The following NPIPA5 variants were observed in gnomAD, a reference collection of about 807,000 sequenced individuals.
NPIPA5 encodes the protein nuclear pore complex-interacting protein family member A5.
A neutral mutation model predicts 21.4 loss-of-function variants in NPIPA5; 6 were observed. That is an observed-to-expected ratio of 0.28 (90% CI 0.15 to 0.55). The LOEUF is 0.55. Ranked by LOEUF, NPIPA5 falls within the 20% of genes least tolerant of loss-of-function variation. NPIPA5 has a pLI of 0.93. For synonymous variants in NPIPA5, 33 were observed against 115.3 expected, an observed-to-expected ratio of 0.29 and a Z score of 4.57; for missense variants, 99 against 318.2, an observed-to-expected ratio of 0.31 and a Z score of 5.24.
At chr16:15,367,152 T>C (rs982523607) in intron 4 of NPIPA5, among the ~76,000 whole-genome samples, 5 of 152,152 alleles carry the variant, frequency 3.3e-5, no homozygotes, top group Non-Finnish European at 7.3e-5. Context: ...CACAACTAAC[T>C]CCATCGGAAG....
intron 4 of NPIPA5, among the ~76,000 whole-genome samples, chr16:15,369,116 C>T (rs1458302992): frequency 6.7e-6 from 1 of 148,230 alleles, no homozygotes; most frequent in Non-Finnish European, 1.5e-5. Flanking sequence ...TGCACCATAG[C>T]ACTCCAGCCT....
chr16:15,372,117 A>G (rs2050171860), intron 2 of NPIPA5, among the ~76,000 whole-genome samples: 2 of 148,894 alleles, frequency 1.3e-5, no homozygotes, highest in Non-Finnish European at 3.0e-5. Context: ...GACAAAGATG[A>G]GAGGTACAAA....
intron 2 of NPIPA5, among the ~76,000 whole-genome samples, chr16:15,370,404 T>C (rs369538001): frequency 4.1e-5 from 5 of 120,554 alleles, no homozygotes; most frequent in Non-Finnish European, 6.9e-5. Context: ...CCAGCCTGAG[T>C]GACAGAATGA....
rs550795475 is a variant in NPIPA5 at position 15,372,556 on chromosome 16, G to A, written c.192+1159C>T. 1.6e-3 allele frequency among the ~76,000 whole-genome samples: 233 copies of A among 145,808 alleles called. 24 individuals are homozygous for A. The Admixed American group carries it at 0.017, about 11-fold the overall frequency. On this transcript the variant is annotated intron_variant, in intron 2 of 7. Coordinates refer to ENST00000360151, the MANE Select transcript of NPIPA5 (RefSeq NM_001277325.2). ...AAAATTCTCTGTTCAGGACTAAGTG[G>A]CATAGAGAATGTTAAATGTGCCTAG...
chr16:15,376,617 C>T (rs1957587008), intron 1 of NPIPA5, among the ~76,000 whole-genome samples: 1 of 151,420 alleles, frequency 6.6e-6, no homozygotes, highest in African/African-American at 2.4e-5. Context: ...AGTAAACTTA[C>T]ACTTAAGGTT....
chr16:15,366,857 C>T (rs1373838149), intron 4 of NPIPA5, 97 bp from the exon 5 acceptor site: 6 of 1,519,770 alleles, frequency 3.9e-6, no homozygotes, highest in Non-Finnish European at 3.5e-6. Flanking sequence ...AAGATCCCCC[C>T]TGCAACCTTC....
intron 4 of NPIPA5, among the ~76,000 whole-genome samples, chr16:15,367,200 A>AC (rs1452390536): frequency 2.6e-5 from 4 of 152,116 alleles, no homozygotes; most frequent in Non-Finnish European, 5.9e-5. Flanking sequence ...CCTGTGTGAG[A>AC]CTGATTCTCA....
chr16:15,377,085 C>G (rs901037940), intron 1 of NPIPA5, among the ~76,000 whole-genome samples: 50 of 151,936 alleles, frequency 3.3e-4, no homozygotes, highest in Admixed American at 6.6e-4. Context: ...GGGGCCATCT[C>G]GGCTCACTGC....
chr16:15,379,603 G>A (rs1375855532), upstream of NPIPA5, among the ~76,000 whole-genome samples: 5 of 151,230 alleles, frequency 3.3e-5, no homozygotes, highest in Non-Finnish European at 5.9e-5. Flanking sequence ...AAAAAACAGG[G>A]TTAACAAAAG....
In NPIPA5 at chr16:15,363,962, T is replaced by C. The variant is rs2150841110; in HGVS notation, c.750A>G (p.Pro250=). 1.3e-6 allele frequency: 2 copies of C among 1,593,054 alleles called. No homozygotes were observed. The highest frequency in any genetic ancestry group is 4.6e-5 in the East Asian group (2 of 43,612). ...KNRMGHQPPP[P]TQQHSIIDNS... is the part of the protein sequence containing the mutation. ...TATCAATTATAGAATGTTGTTGAGT[T>C]GGAGGAGGTGGCTGGTGGCCCATCC... The change falls in exon 8 of 8, where the codon CCA becomes CCG. Residue 250 remains proline (P), a synonymous_variant. Transcript: ENST00000360151.
chr16:15,371,788 C>G (rs1440954341), intron 2 of NPIPA5, among the ~76,000 whole-genome samples: 1 of 142,646 alleles, frequency 7.0e-6, no homozygotes, highest in Non-Finnish European at 1.5e-5. Context: ...CAGGCATGAG[C>G]CACCACACCT....
At chr16:15,379,702 C>G (rs1051200680), upstream of NPIPA5, among the ~76,000 whole-genome samples, 3 of 152,042 alleles carry the variant, frequency 2.0e-5, no homozygotes, top group African/African-American at 7.2e-5. Flanking sequence ...AATCCCAGCA[C>G]TTTGGGAGGC....
rs2050297156 is a variant in NPIPA5, at chr16:15,376,501, C to G, written c.63+1731G>C. On this transcript the variant is annotated intron_variant, in intron 1 of 7. Coordinates refer to ENST00000360151, the MANE Select transcript of NPIPA5 (RefSeq NM_001277325.2). ...TGATATTGGCCCATTGCACTCCAGC[C>G]TCAGCAACAAGGGAGAAACTGTCTC... Among the ~76,000 whole-genome samples the G allele has an allele frequency of 2.7e-5, 4 of 148,710 alleles. No individual in the cohort carries two copies. The East Asian group carries it at 8.0e-4, about 30-fold the overall frequency.
intron 1 of NPIPA5, among the ~76,000 whole-genome samples, chr16:15,377,102 C>T (rs1316883049): frequency 6.6e-6 from 1 of 151,984 alleles, no homozygotes; most frequent in Non-Finnish European, 1.5e-5. Context: ...CTGCAACGTC[C>T]AGCTCCTGGG....
intron 1 of NPIPA5, among the ~76,000 whole-genome samples, chr16:15,374,637 G>GTAGC (rs1302269287): frequency 8.1e-6 from 1 of 123,616 alleles, no homozygotes; most frequent in African/African-American, 3.2e-5. Context: ...AGCCTCCTGA[G>GTAGC]TAGCTGGGAG....
At chr16:15,369,533 T>A (rs1245923071) in intron 4 of NPIPA5, among the ~76,000 whole-genome samples, 179 bp downstream of exon 4, 86 of 151,122 alleles carry the variant, frequency 5.7e-4, no homozygotes, top group African/African-American at 1.7e-3. Context: ...ACAAACAAGA[T>A]TGTAGGAAGG....
At chr16:15,368,204 A>G (rs931108807) in intron 4 of NPIPA5, among the ~76,000 whole-genome samples, 6 of 145,734 alleles carry the variant, frequency 4.1e-5, no homozygotes, top group East Asian at 2.1e-4. Context: ...AAACAAGTGG[A>G]TTGAGGGTCT....
intron 4 of NPIPA5, among the ~76,000 whole-genome samples, chr16:15,368,964 G>GT (rs1404686390): frequency 2.3e-5 from 2 of 87,508 alleles, no homozygotes; most frequent in African/African-American, 8.3e-5. Context: ...GGGTGACAGA[G>GT]TGAGACTCTG....
intron 1 of NPIPA5, among the ~76,000 whole-genome samples, chr16:15,375,382 T>TAAA (rs534006744): frequency 1.1e-5 from 1 of 87,102 alleles, no homozygotes. Context: ...TCAGCATAAG[T>TAAA]AAAAAAAAAA....
Sources: allele counts gnomAD v4.1 joint callset (sites outside exome capture counted in the v4.1 genomes callset), GRCh38; gene constraint gnomAD v4.1.1; transcripts MANE v1.5; gene names NCBI Gene and HGNC (gene_info 2026-07-23, HGNC 2026-07-21).